SHISA7: variants seen among roughly 807,000 people sequenced by gnomAD.
The protein encoded by SHISA7 is protein shisa-7.
In SHISA7, 6 loss-of-function variants were observed where a neutral mutation model predicts 23.9. That is an observed-to-expected ratio of 0.25 (90% confidence interval 0.14 to 0.50). SHISA7 has a LOEUF of 0.50. Among genes scored for constraint, SHISA7 ranks in the 20% least tolerant of loss-of-function variants. SHISA7 has a pLI of 0.98. For synonymous variants in SHISA7, 386 were observed against 398.3 expected (o/e 0.97, Z 0.37); for missense variants, 671 against 801.1 (o/e 0.84, Z 1.96).
chr19:55,442,679 C>A lies in SHISA7; in HGVS notation c.185G>T (p.Arg62Met). Residue 62 changes from arginine (R) to methionine (M), a missense_variant, in exon 1 of 4, where the codon AGG becomes ATG. Physicochemically the swap from Arg to Met is moderately conservative, Grantham distance 91. Around this residue, in one of 5 missense-constraint regions of SHISA7, gnomAD observed 96 missense variants for 113.1 expected, o/e 0.85. Coordinates refer to ENST00000376325, the MANE Select transcript of SHISA7 (RefSeq NM_001145176.2). ...GAASPGANGT[R>M]TGPAGGAGAA... ...GCCCGCCCCGCCCGCGGGGCCGGTC[C>A]TGGTGCCGTTGGCGCCTGGGCTCGC... 9.0e-7 allele frequency: 1 copy of A among 1,116,856 alleles called. No homozygotes were observed. The allele number at this position is 1,116,856 out of a possible 1,614,324, so 69.2% of individuals were successfully genotyped here. A position where few individuals can be genotyped will look rare whatever the true frequency, so the allele number is the denominator to read the frequency against.
At chr19:55,438,918 T>C (rs140788821) in intron 2 of SHISA7, among the ~76,000 whole-genome samples, 191 of 152,138 alleles carry the variant, frequency 1.3e-3, no homozygotes, top group African/African-American at 4.5e-3. Context: ...GTCGCCTTGC[T>C]ACCTCCCTCC....
chr19:55,442,234 C>T lies in SHISA7; in HGVS notation c.630G>A (p.Ala210=). ...GVGAKVAFSK[A]SRAPRAHRDI... ...CCCGGTGCGCCCGGGGCGCACGGGA[C>T]GCCTTGCTGAAGGCCACTTTGGCGC... The change falls in exon 1 of 4, where the codon GCG becomes GCA. Residue 210 remains alanine, a synonymous_variant. Coordinates refer to ENST00000376325, the MANE Select transcript of SHISA7 (RefSeq NM_001145176.2). 4.6e-6 allele frequency: 7 copies of T among 1,534,254 alleles called. No individual in the cohort carries two copies. The highest frequency in any genetic ancestry group is 6.1e-6 in the Non-Finnish European group (7 of 1,145,976).
At chr19:55,442,050 C>T in intron 1 of SHISA7, 143 bp downstream of exon 1, 1 of 814,572 alleles carries the variant, frequency 1.2e-6, no homozygotes, top group African/African-American at 1.8e-5. Context: ...AGCCCCTGCC[C>T]ACCTTCAGCT....
intron 3 of SHISA7, among the ~76,000 whole-genome samples, chr19:55,434,618 CGTGT>C (rs201854845): frequency 6.6e-4 from 17 of 25,778 alleles, no homozygotes; most frequent in African/African-American, 2.0e-3. Flanking sequence ...TGTGGTATGG[CGTGT>C]GTGTGTGGTG....
Position 55,442,327 on chromosome 19 carries a change from C to G in SHISA7, c.537G>C (p.Glu179Asp). The G allele has an allele frequency of 6.7e-7, 1 of 1,487,560 alleles. No individual in the cohort carries two copies. Among genetic ancestry groups the G allele is most frequent in the Non-Finnish European group, 8.9e-7 (1 of 1,125,628 alleles). 92.1% of individuals were successfully genotyped at this position (1,487,560 alleles called of 1,614,324 possible). A position where few individuals can be genotyped will look rare whatever the true frequency, so the allele number is the denominator to read the frequency against. Residue 179 changes from glutamate to aspartate, a missense_variant, in exon 1 of 4, where the codon GAG becomes GAC. Physicochemically the swap from Glu to Asp is conservative, Grantham distance 45. Coordinates refer to ENST00000376325, the MANE Select transcript of SHISA7 (RefSeq NM_001145176.2). ...RTGGAGGRGG[E>D]GPGGSTAYVV... ...CGTAGGCTGTGCTGCCCCCGGGGCC[C>G]TCGCCCCCGCGGCCCCCGGCACCCC...
intron 3 of SHISA7, among the ~76,000 whole-genome samples, chr19:55,435,333 T>C: frequency 8.8e-6 from 1 of 113,070 alleles, no homozygotes; most frequent in South Asian, 3.3e-4. Context: ...GTGTGTGTGG[T>C]GTGTGTGTAT....
chr19:55,439,377 G>T (rs1405168231), intron 2 of SHISA7, among the ~76,000 whole-genome samples: 1 of 152,136 alleles, frequency 6.6e-6, no homozygotes, highest in Non-Finnish European at 1.5e-5. Context: ...TCCTCTTGCT[G>T]CCTGGACCAT....
At chr19:55,435,278 CGTGTGTGT>C (rs1445866524) in intron 3 of SHISA7, among the ~76,000 whole-genome samples, 1 of 75,192 alleles carries the variant, frequency 1.3e-5, no homozygotes, top group Non-Finnish European at 2.5e-5. Context: ...TGCGTGTGTG[CGTGTGTGT>C]ATATGTGGTG....
chr19:55,436,434 C>A (rs918682645), intron 3 of SHISA7, among the ~76,000 whole-genome samples: 11 of 151,868 alleles, frequency 7.2e-5, no homozygotes, highest in African/African-American at 2.4e-4. Flanking sequence ...GAAACCCCGT[C>A]TCTACTAAAA....
At chr19:55,440,461 C>A (rs767175259) in intron 2 of SHISA7, 150 bp downstream of exon 2, 4 of 733,768 alleles carry the variant, frequency 5.5e-6, no homozygotes, top group Non-Finnish European at 7.5e-6. Context: ...GTCCGCCTTT[C>A]GCAGGGCAGG....
At chr19:55,440,924 C>G (rs1251762766) in intron 1 of SHISA7, among the ~76,000 whole-genome samples, 159 bp from the exon 2 acceptor site, 3 of 152,008 alleles carry the variant, frequency 2.0e-5, no homozygotes, top group Non-Finnish European at 4.4e-5. Context: ...GCCACGCCCC[C>G]TAGAATGACC....
intron 2 of SHISA7, chr19:55,438,453 CAG>C (rs1192485230): frequency 9.9e-6 from 10 of 1,006,852 alleles, no homozygotes; most frequent in Non-Finnish European, 1.4e-5. Flanking sequence ...ACTGGGCTCA[CAG>C]GGGTCTCACT....
At chr19:55,437,890 G>A in intron 2 of SHISA7, 136 bp from the exon 3 acceptor site, 8 of 1,089,356 alleles carry the variant, frequency 7.3e-6, no homozygotes, top group Non-Finnish European at 1.0e-5. Context: ...AGGAGTGCAG[G>A]CCCCCAGCCC....
rs548198173 is a variant in SHISA7, at chr19:55,433,705, G to T, written c.1068C>A (p.Gly356=). The change falls in exon 4 of 4, where the codon GGC becomes GGA. Residue 356 remains glycine (G), a synonymous_variant. Transcript: ENST00000376325. This position sits in a 1 kb window ranked among gnomAD's most constrained non-coding sequence, Gnocchi z 8.4. ...TLPLHALRRP[G]TGGGYRMEAW... is the part of the protein sequence containing the mutation. ...CCTCCATGCGATAGCCGCCCCCCGT[G>T]CCCGGCCGCCGCAGCGCGTGCAGGG... The T allele has an allele frequency of 6.8e-7, 1 of 1,479,114 alleles. No homozygotes were observed. Among genetic ancestry groups the T allele is most frequent in the East Asian group, 2.9e-5 (1 of 34,026 alleles). 91.6% of individuals were successfully genotyped at this position (1,479,114 alleles called of 1,614,324 possible). A position where few individuals can be genotyped will look rare whatever the true frequency, so the allele number is the denominator to read the frequency against.
intron 3 of SHISA7, among the ~76,000 whole-genome samples, chr19:55,434,801 T>C (rs1426633830): frequency 5.7e-5 from 6 of 105,728 alleles, no homozygotes; most frequent in Non-Finnish European, 7.6e-5. Flanking sequence ...GGTGTGTGTG[T>C]GCGTGTGTGC....
intron 2 of SHISA7, 52 bp downstream of exon 2, chr19:55,440,559 G>C: frequency 1.6e-6 from 2 of 1,247,800 alleles, no homozygotes; most frequent in Non-Finnish European, 2.0e-6. Context: ...GCTACATGAT[G>C]AAGGGGCGTG....
In SHISA7 at chr19:55,431,611, C is replaced by A. The variant is rs916352500; in HGVS notation, c.*1545G>T. On this transcript the variant is annotated 3_prime_UTR_variant, in exon 4 of 4. Coordinates refer to ENST00000376325, the MANE Select transcript of SHISA7 (RefSeq NM_001145176.2). ...CCTCAGACATGGGTAACACTTGACC[C>A]CGGGTGTGGTGCCATCATGAGTGGC... is the stretch of plus-strand genomic sequence containing the variant. 1 of 152,016 alleles carries A rather than the reference C, an allele frequency of 6.6e-6. No homozygotes were observed. The highest frequency in any genetic ancestry group is 2.4e-5 in the African/African-American group (1 of 41,312). The allele number at this position is 152,016 out of a possible 1,614,324, so 9.4% of individuals were successfully genotyped here.
chr19:55,434,856 T>G, intron 3 of SHISA7, among the ~76,000 whole-genome samples: 2 of 90,964 alleles, frequency 2.2e-5, no homozygotes, highest in Non-Finnish European at 4.2e-5. Flanking sequence ...TGTGCGTGTG[T>G]GTATATGTGG....
chr19:55,435,099 TATG>T (rs1320870141), intron 3 of SHISA7, among the ~76,000 whole-genome samples: 16 of 55,794 alleles, frequency 2.9e-4, no homozygotes, highest in East Asian at 1.8e-3. Context: ...GGTGTGTGTG[TATG>T]GTGTGTGTGT....
Sources: allele counts gnomAD v4.1 joint callset (sites outside exome capture counted in the v4.1 genomes callset), GRCh38; gene constraint gnomAD v4.1.1; regional missense constraint gnomAD v4.1.1; non-coding constraint Gnocchi (gnomAD v3.1); transcripts MANE v1.5; gene names NCBI Gene and HGNC (gene_info 2026-07-23, HGNC 2026-07-21).